CDC14A: variants seen among roughly 807,000 people sequenced by gnomAD.
CDC14A encodes cell division cycle 14A.
Under a neutral mutation model 74.4 loss-of-function variants are expected in CDC14A, and 53 were observed. That is an observed-to-expected ratio of 0.71 (90% confidence interval 0.57 to 0.89). The LOEUF (loss-of-function observed/expected upper bound fraction) is 0.89, where lower values mean the gene tolerates loss of function less well. CDC14A is among the 40% of genes least tolerant of loss of function. CDC14A has a pLI of 0.00. For synonymous variants in CDC14A, 247 were observed against 258.4 expected (o/e 0.96, Z 0.43); for missense variants, 646 against 713.7 (o/e 0.91, Z 1.08).
intron 2 of CDC14A, among the ~76,000 whole-genome samples, chr1:100,359,937 CCTT>C (rs200159378): frequency 4.2e-5 from 6 of 144,224 alleles, no homozygotes; most frequent in East Asian, 2.0e-4. Context: ...CTTTTTTTCA[CCTT>C]CTTCTTTTTT....
intron 15 of CDC14A, among the ~76,000 whole-genome samples, chr1:100,517,525 C>A (rs1650330178): frequency 6.6e-6 from 1 of 152,186 alleles, no homozygotes; most frequent in Admixed American, 6.5e-5. Flanking sequence ...AACTCTCTAT[C>A]TTTTCCTGGT....
At chr1:100,464,841 T>C (rs920561931) in intron 9 of CDC14A, among the ~76,000 whole-genome samples, 18 of 152,170 alleles carry the variant, frequency 1.2e-4, no homozygotes, top group African/African-American at 4.1e-4. Context: ...ACAGATATTT[T>C]CTCTATATCC....
chr1:100,457,201 A>G (rs1487533507), intron 8 of CDC14A, among the ~76,000 whole-genome samples: 1 of 152,216 alleles, frequency 6.6e-6, no homozygotes, highest in African/African-American at 2.4e-5. Flanking sequence ...GAGAGATATA[A>G]TTGTAAAAGC....
intron 4 of CDC14A, among the ~76,000 whole-genome samples, chr1:100,392,694 T>C (rs375838361): frequency 6.6e-6 from 1 of 152,186 alleles, no homozygotes; most frequent in African/African-American, 2.4e-5. Context: ...GTTTCCAACT[T>C]CCTGTACATG....
upstream of CDC14A, chr1:100,352,478 T>C (rs1456445950): frequency 2.0e-6 from 2 of 1,022,954 alleles, no homozygotes; most frequent in Non-Finnish European, 2.3e-6. Context: ...GAGTAACTGC[T>C]GAAAGGAGGT....
At position 100,451,288 on chromosome 1, in the gene CDC14A, T is replaced by C. The variant is rs767266503; in HGVS notation, c.520-4117T>C. Among the ~76,000 whole-genome samples, 29 of 152,212 alleles carry C rather than the reference T, an allele frequency of 1.9e-4. 1 individual carries two copies. The highest frequency in any genetic ancestry group is 4.0e-4 in the Non-Finnish European group (27 of 68,038). On this transcript the variant is annotated intron_variant, in intron 7 of 15. Coordinates refer to ENST00000336454, the MANE Select transcript of CDC14A (RefSeq NM_003672.4). ...AGAGGTGTTCACTGATCTGGACTTT[T>C]GGAATGGGCCTCCACATGTTTTCCA...
At chr1:100,420,812 G>A (rs1662276680) in intron 4 of CDC14A, among the ~76,000 whole-genome samples, 1 of 152,034 alleles carries the variant, frequency 6.6e-6, no homozygotes, top group Non-Finnish European at 1.5e-5. Flanking sequence ...TTGTAGTAGG[G>A]TAAATTTTAT....
chr1:100,419,411 T>C (rs756244419), intron 4 of CDC14A, among the ~76,000 whole-genome samples: 1 of 152,226 alleles, frequency 6.6e-6, no homozygotes, highest in East Asian at 1.9e-4. Flanking sequence ...TCTGCACTGG[T>C]TAGCTTCACC....
chr1:100,429,234 T>TAAATAAATAAATAAATAAATAAAA (rs60569646), intron 5 of CDC14A, among the ~76,000 whole-genome samples: 6,600 of 146,384 alleles, frequency 0.045, 387 homozygotes, highest in African/African-American at 0.11. Flanking sequence ...AATAAATAAA[T>TAAATAAATAAATAAATAAATAAAA]ATAAAATAAA....
At chr1:100,358,774 T>C (rs1472072896) in intron 2 of CDC14A, among the ~76,000 whole-genome samples, 1 of 152,240 alleles carries the variant, frequency 6.6e-6, no homozygotes, top group African/African-American at 2.4e-5. Flanking sequence ...AAATGATTTC[T>C]TTTATCTTGT....
chr1:100,354,309 A>G (rs1279135105), intron 2 of CDC14A, among the ~76,000 whole-genome samples: 1 of 152,254 alleles, frequency 6.6e-6, no homozygotes, highest in South Asian at 2.1e-4. Context: ...GCTCTTTTTC[A>G]GAAAGTGGGA....
intron 5 of CDC14A, among the ~76,000 whole-genome samples, chr1:100,434,248 G>C (rs148681953): frequency 2.0e-5 from 3 of 152,162 alleles, no homozygotes; most frequent in African/African-American, 7.2e-5. Flanking sequence ...GTGGCCAGGC[G>C]TGGTGGTTTG....
chr1:100,352,208 C>G (rs1451080081), upstream of CDC14A, among the ~76,000 whole-genome samples: 2 of 152,216 alleles, frequency 1.3e-5, no homozygotes, highest in African/African-American at 4.8e-5. Flanking sequence ...CCGTTTCATT[C>G]ATAAGTTTCT....
At position 100,420,063 on chromosome 1, in the gene CDC14A, C is replaced by CACACATATAT; in HGVS notation, c.310-4158_310-4157insCACATATATA. Among the ~76,000 whole-genome samples, 112 of 61,574 alleles carry CACACATATAT rather than the reference C, an allele frequency of 1.8e-3. 4 individuals carry two copies. The highest frequency in any genetic ancestry group is 8.9e-3 in the South Asian group (10 of 1,120). The allele number at this position is 61,574 out of a possible 152,430, so 40.4% of individuals were successfully genotyped here. Reference sequence around the variant, plus strand: ...ACACACACACACACACACACACACACATATATATATATATATATAGTGTGT... The same window carrying CACACATATAT: ...ACACACACACACACACACACACACACACACATATATATATATATATATATATATAGTGTGT... On this transcript the variant is annotated intron_variant, in intron 4 of 15. Coordinates refer to ENST00000336454, the MANE Select transcript of CDC14A (RefSeq NM_003672.4).
chr1:100,415,041 A>C (rs1426032391), intron 4 of CDC14A, among the ~76,000 whole-genome samples: 2 of 152,188 alleles, frequency 1.3e-5, no homozygotes, highest in East Asian at 3.8e-4. Context: ...AGACAATGCT[A>C]GCAAGAGATG....
At chr1:100,511,216 G>A (rs867524774) in intron 15 of CDC14A, among the ~76,000 whole-genome samples, 4 of 152,288 alleles carry the variant, frequency 2.6e-5, no homozygotes, top group Non-Finnish European at 4.4e-5. Flanking sequence ...TGGTAGGCTG[G>A]TGGGGGCTGG....
chr1:100,473,262 T>C (rs1470536786), intron 10 of CDC14A, among the ~76,000 whole-genome samples: 12 of 152,042 alleles, frequency 7.9e-5, no homozygotes, highest in Admixed American at 7.8e-4. Flanking sequence ...TGTAGTTTTC[T>C]GGATGCAAGT....
chr1:100,412,704 A>ATATATATATATATATATATTT lies in CDC14A; in HGVS notation c.310-11504_310-11484dup, dbSNP rs1557731744. Among the ~76,000 whole-genome samples the ATATATATATATATATATATTT allele has an allele frequency of 4.4e-4, 44 of 100,844 alleles. No individual in the cohort carries two copies. The East Asian group carries it at 0.011, about 24-fold the overall frequency. The allele number at this position is 100,844 out of a possible 152,430, so 66.2% of individuals were successfully genotyped here. A position where few individuals can be genotyped will look rare whatever the true frequency, so the allele number is the denominator to read the frequency against. On this transcript the variant is annotated intron_variant, in intron 4 of 15. Transcript: ENST00000336454. Reference sequence around the variant, plus strand: ...TGAACTTCCTGTATGTTTTATATATATATATATATATATATATATTTTATA... The same window carrying ATATATATATATATATATATTT: ...TGAACTTCCTGTATGTTTTATATATATATATATATATATATATATTTTATATATATATATATATATTTTATA...
chr1:100,469,225 A>G (rs17122609), intron 10 of CDC14A, among the ~76,000 whole-genome samples: 8,672 of 152,308 alleles, frequency 0.057, 839 homozygotes, highest in African/African-American at 0.2. Context: ...AGCATCTGAA[A>G]TGATTAAGAG....
Sources: allele counts gnomAD v4.1 joint callset (sites outside exome capture counted in the v4.1 genomes callset), GRCh38; gene constraint gnomAD v4.1.1; transcripts MANE v1.5; gene names NCBI Gene and HGNC (gene_info 2026-07-23, HGNC 2026-07-21).